Variants in GPM6A observed in about 807,000 individuals in gnomAD.
GPM6A encodes the protein neuronal membrane glycoprotein M6-a.
In GPM6A, 7 loss-of-function variants were observed where a neutral mutation model predicts 32.1. The observed-to-expected ratio is 0.22, with a 90% CI of 0.12 to 0.41. The LOEUF is 0.41. Among genes scored for constraint, GPM6A ranks in the 10% least tolerant of loss-of-function variants. The pLI is 1.00. For missense variants in GPM6A, 235 were observed against 347.2 expected (o/e 0.68, Z 2.57); for synonymous variants, 130 against 123.4 (o/e 1.05, Z -0.35).
At chr4:175,856,637 A>G (rs1252275990) in intron 1 of GPM6A, among the ~76,000 whole-genome samples, 1 of 152,184 alleles carries the variant, frequency 6.6e-6, no homozygotes, top group African/African-American at 2.4e-5. Flanking sequence ...ATCAGGTTAC[A>G]TGAACGGATT....
chr4:175,804,873 G>C (rs2111313681), intron 1 of GPM6A, among the ~76,000 whole-genome samples: 1 of 152,124 alleles, frequency 6.6e-6, no homozygotes, highest in East Asian at 1.9e-4. Context: ...GTGAAATGCT[G>C]TCTCTACTAA....
intron 1 of GPM6A, among the ~76,000 whole-genome samples, chr4:175,920,416 G>A (rs1043964501): frequency 6.6e-6 from 1 of 152,172 alleles, no homozygotes; most frequent in Non-Finnish European, 1.5e-5. Context: ...ACTGTTCCAT[G>A]CATACAGCAA....
intron 1 of GPM6A, among the ~76,000 whole-genome samples, chr4:175,773,846 C>G (rs141216838): frequency 6.6e-6 from 1 of 152,034 alleles, no homozygotes; most frequent in African/African-American, 2.4e-5. Flanking sequence ...GTCTTAAGAA[C>G]AAAGACTGTT....
intron 1 of GPM6A, among the ~76,000 whole-genome samples, chr4:175,710,562 T>C (rs1374264853): frequency 6.6e-6 from 1 of 152,228 alleles, no homozygotes; most frequent in African/African-American, 2.4e-5. Flanking sequence ...ATATGGTCTA[T>C]AGGATGCCAA....
intron 1 of GPM6A, among the ~76,000 whole-genome samples, chr4:175,871,140 A>T (rs948658094): frequency 6.6e-6 from 1 of 151,934 alleles, no homozygotes; most frequent in Non-Finnish European, 1.5e-5. Context: ...TTGAGCAAAC[A>T]GTTCGAACCA....
chr4:175,727,945 C>T (rs553212336), intron 1 of GPM6A, among the ~76,000 whole-genome samples: 1 of 148,414 alleles, frequency 6.7e-6, no homozygotes, highest in Admixed American at 6.8e-5. Flanking sequence ...CCAGTGTTAC[C>T]GTGAGCCAAG....
chr4:175,752,443 A>C (rs1156360325), intron 1 of GPM6A, among the ~76,000 whole-genome samples: 2 of 151,942 alleles, frequency 1.3e-5, no homozygotes, highest in African/African-American at 2.4e-5. Context: ...ATGTTTGCCT[A>C]ATTATTGTCT....
In GPM6A at chr4:175,831,856, C is replaced by T. The variant is rs368400138; in HGVS notation, c.-22-19607G>A. ...GCCTCAGCCTCCCGAGTAGCTGGGACTGCAGACACGTGCCACCACACCCGG... is the reference window on the plus strand; with the variant it reads ...GCCTCAGCCTCCCGAGTAGCTGGGATTGCAGACACGTGCCACCACACCCGG... On this transcript the variant is annotated intron_variant, in intron 1 of 7. Coordinates refer to the GPM6A transcript ENST00000280187. Among the ~76,000 whole-genome samples the T allele has an allele frequency of 1.1e-4, 16 of 150,722 alleles. No individual in the cohort carries two copies. The East Asian group carries it at 1.8e-3, about 17-fold the overall frequency.
chr4:175,804,756 T>C (rs905152970), intron 1 of GPM6A, among the ~76,000 whole-genome samples: 1 of 152,124 alleles, frequency 6.6e-6, no homozygotes, highest in African/African-American at 2.4e-5. Flanking sequence ...CTGTTAAAAA[T>C]GAAAGTGGGC....
chr4:175,656,444 C>T (rs1742089406), intron 3 of GPM6A, among the ~76,000 whole-genome samples: 1 of 152,004 alleles, frequency 6.6e-6, no homozygotes, highest in Non-Finnish European at 1.5e-5. Context: ...TTTGATTCAA[C>T]AAAATTGTTA....
intron 1 of GPM6A, among the ~76,000 whole-genome samples, chr4:175,887,052 T>C (rs1029917287): frequency 5.3e-5 from 8 of 152,158 alleles, no homozygotes; most frequent in African/African-American, 1.4e-4. Flanking sequence ...GTCATTGTTA[T>C]AGAATACAAA....
intron 1 of GPM6A, among the ~76,000 whole-genome samples, chr4:175,841,322 A>AT (rs1022308871): frequency 2.6e-5 from 4 of 151,982 alleles, no homozygotes; most frequent in African/African-American, 9.7e-5. Context: ...CATCATAACA[A>AT]TTTTTTTTAA....
chr4:175,992,369 G>T (rs1385367343), intron 1 of GPM6A, among the ~76,000 whole-genome samples: 1 of 152,092 alleles, frequency 6.6e-6, no homozygotes, highest in African/African-American at 2.4e-5. Context: ...CCCAAATCTG[G>T]TTGAAGCCTT....
chr4:175,914,420 C>T (rs1331271490), intron 1 of GPM6A, among the ~76,000 whole-genome samples: 2 of 152,098 alleles, frequency 1.3e-5, no homozygotes, highest in Non-Finnish European at 2.9e-5. Context: ...CTCCCGGGTT[C>T]AAGTGATTTC....
At chr4:175,880,513 C>A (rs1737237316) in intron 1 of GPM6A, among the ~76,000 whole-genome samples, 1 of 152,142 alleles carries the variant, frequency 6.6e-6, no homozygotes, top group African/African-American at 2.4e-5. Context: ...TTCTTCCTAT[C>A]CATGAGCATA....
intron 1 of GPM6A, among the ~76,000 whole-genome samples, chr4:176,001,480 G>A (rs1741478598): frequency 1.3e-5 from 2 of 152,210 alleles, no homozygotes; most frequent in East Asian, 1.9e-4. Context: ...AGTGCTGGGT[G>A]TGAATCGGCT....
intron 1 of GPM6A, among the ~76,000 whole-genome samples, chr4:175,734,135 C>CATATAT (rs33914767): frequency 2.4e-5 from 3 of 127,164 alleles, no homozygotes; most frequent in African/African-American, 5.3e-5. Context: ...TAATTTTTGC[C>CATATAT]ATATATATAT....
chr4:175,994,825 C>G (rs1019662931), intron 1 of GPM6A, among the ~76,000 whole-genome samples: 1 of 152,190 alleles, frequency 6.6e-6, no homozygotes, highest in Non-Finnish European at 1.5e-5. Flanking sequence ...GCATTTTACT[C>G]ATAGTAGAAC....
intron 1 of GPM6A, among the ~76,000 whole-genome samples, chr4:175,874,649 A>G (rs576242945): frequency 1.3e-3 from 203 of 152,332 alleles, no homozygotes; most frequent in African/African-American, 4.6e-3. Context: ...GAAGGCGAAT[A>G]GCTTAAAGTC....
Sources: allele counts gnomAD v4.1 joint callset (sites outside exome capture counted in the v4.1 genomes callset), GRCh38; gene constraint gnomAD v4.1.1; transcripts MANE v1.5; gene names NCBI Gene and HGNC (gene_info 2026-07-23, HGNC 2026-07-21).